ANKRD31: variants seen among roughly 807,000 people sequenced by gnomAD.
ANKRD31 encodes ankyrin repeat domain 31.
ANKRD31 carries 147 observed loss-of-function variants against 186.0 expected under a neutral mutation model. The observed-to-expected ratio is 0.79, with a 90% CI of 0.69 to 0.91. The LOEUF (loss-of-function observed/expected upper bound fraction) is 0.91. ANKRD31 is among the 40% of genes least tolerant of loss of function. ANKRD31 has a pLI of 0.00. For synonymous variants in ANKRD31, 673 were observed against 736.4 expected (o/e 0.91, Z 1.39); for missense variants, 1,986 against 2,148.8 (o/e 0.92, Z 1.50).
intron 17 of ANKRD31, among the ~76,000 whole-genome samples, chr5:75,135,177 T>C (rs370643479): frequency 2.5e-4 from 38 of 151,012 alleles, no homozygotes; most frequent in African/African-American, 6.4e-4. Flanking sequence ...GGCAATCAGG[T>C]AGGAGAAAGA....
intron 17 of ANKRD31, among the ~76,000 whole-genome samples, chr5:75,137,088 A>G (rs1750647282): frequency 6.6e-6 from 1 of 152,164 alleles, no homozygotes; most frequent in Non-Finnish European, 1.5e-5. Flanking sequence ...GGTGCAGCAC[A>G]CCAACATGGC....
At chr5:75,127,636 C>A (rs1346016970) in intron 17 of ANKRD31, among the ~76,000 whole-genome samples, 1 of 152,104 alleles carries the variant, frequency 6.6e-6, no homozygotes, top group Non-Finnish European at 1.5e-5. Flanking sequence ...AGTTCCATAT[C>A]AATTTTAGAA....
At chr5:75,072,577 A>C (rs2149997914) in intron 25 of ANKRD31, among the ~76,000 whole-genome samples, 1 of 152,278 alleles carries the variant, frequency 6.6e-6, no homozygotes, top group African/African-American at 2.4e-5. Context: ...GTGTGTTGAA[A>C]CCACTGCTAT....
rs78867469 is a variant in ANKRD31 at position 75,203,767 on chromosome 5, G to A, written c.403+2644C>T. On this transcript the variant is annotated intron_variant, in intron 5 of 25. Coordinates refer to ENST00000506364, the MANE Select transcript of ANKRD31 (RefSeq NM_001372053.1). ...ATCCATGACACCTCTGTCTCAAATT[G>A]TTCAATACATCCTCATACACACACA... 2.4e-3 allele frequency among the ~76,000 whole-genome samples: 369 copies of A among 151,824 alleles called. 9 individuals are homozygous for A. The East Asian group carries it at 0.062, about 25-fold the overall frequency.
In ANKRD31 at chr5:75,225,840, T is replaced by G. The variant is rs58928671; in HGVS notation, c.179-3482A>C. ...TAGGTGTGAGTTCAGCCACAATGGG[T>G]AGAGCACCAGGCAGCCTTTTGGGAT... On this transcript the variant is annotated intron_variant, in intron 2 of 25. Coordinates refer to ENST00000506364, the MANE Select transcript of ANKRD31 (RefSeq NM_001372053.1). Among the ~76,000 whole-genome samples the G allele has an allele frequency of 4.2e-3, 637 of 152,214 alleles. 7 individuals are homozygous for G. Among genetic ancestry groups the G allele is most frequent in the African/African-American group, 0.015 (615 of 41,534 alleles).
chr5:75,209,492 C>G (rs1293531362), intron 4 of ANKRD31, among the ~76,000 whole-genome samples: 1 of 140,030 alleles, frequency 7.1e-6, no homozygotes, highest in African/African-American at 2.6e-5. Flanking sequence ...GCATGGCCAA[C>G]ATGGCAAAAC....
At chr5:75,118,521 T>C (rs1297418036) in intron 17 of ANKRD31, among the ~76,000 whole-genome samples, 1 of 152,138 alleles carries the variant, frequency 6.6e-6, no homozygotes, top group Non-Finnish European at 1.5e-5. Context: ...GAAAGTACAA[T>C]ATGCTGCCTT....
intron 13 of ANKRD31, among the ~76,000 whole-genome samples, chr5:75,148,126 A>G (rs1256706057): frequency 6.6e-6 from 1 of 151,846 alleles, no homozygotes; most frequent in Non-Finnish European, 1.5e-5. Context: ...AAACAGGAAG[A>G]CAGATATACT....
intron 18 of ANKRD31, 115 bp from the exon 19 acceptor site, chr5:75,116,796 A>C: frequency 2.1e-6 from 1 of 484,862 alleles, no homozygotes; most frequent in Non-Finnish European, 3.3e-6. Flanking sequence ...CTATTATAAT[A>C]TCTTAACCAA....
intron 22 of ANKRD31, among the ~76,000 whole-genome samples, chr5:75,096,799 G>A (rs1746360733): frequency 6.6e-6 from 1 of 151,892 alleles, no homozygotes; most frequent in Admixed American, 6.6e-5. Flanking sequence ...ATCTCCTAAT[G>A]CTATCCCTTC....
At chr5:75,099,378 T>C (rs1746616823) in intron 22 of ANKRD31, among the ~76,000 whole-genome samples, 1 of 152,210 alleles carries the variant, frequency 6.6e-6, no homozygotes, top group Non-Finnish European at 1.5e-5. Flanking sequence ...TCAGGGATAT[T>C]GGTCTAAAAT....
chr5:75,089,657 C>A (rs1745780264), intron 23 of ANKRD31, among the ~76,000 whole-genome samples: 1 of 152,168 alleles, frequency 6.6e-6, no homozygotes, highest in Non-Finnish European at 1.5e-5. Context: ...AGAAGTACAT[C>A]AGTGCCCATA....
At chr5:75,084,470 T>C in intron 23 of ANKRD31, 96 bp from the exon 24 acceptor site, 1 of 950,202 alleles carries the variant, frequency 1.1e-6, no homozygotes, top group Non-Finnish European at 1.6e-6. Flanking sequence ...AAGGTTTTGA[T>C]TGTTGTATGT....
chr5:75,076,161 T>C (rs182800934), intron 25 of ANKRD31, among the ~76,000 whole-genome samples: 36 of 152,352 alleles, frequency 2.4e-4, no homozygotes, highest in Non-Finnish European at 4.4e-4. Flanking sequence ...TCAACTGTCC[T>C]ACAATTCAAT....
At chr5:75,203,378 G>A (rs1755936481) in intron 5 of ANKRD31, among the ~76,000 whole-genome samples, 1 of 152,018 alleles carries the variant, frequency 6.6e-6, no homozygotes, top group Admixed American at 6.6e-5. Context: ...AAACCCAAAG[G>A]GGAGGCCGGG....
intron 25 of ANKRD31, among the ~76,000 whole-genome samples, chr5:75,072,067 A>G (rs1331267549): frequency 6.6e-6 from 1 of 152,230 alleles, no homozygotes; most frequent in Non-Finnish European, 1.5e-5. Flanking sequence ...ACAATGTGCC[A>G]GATTACCCAA....
chr5:75,135,008 G>A (rs1313752976), intron 17 of ANKRD31, among the ~76,000 whole-genome samples: 2 of 152,056 alleles, frequency 1.3e-5, no homozygotes, highest in African/African-American at 2.4e-5. Context: ...GTATTGATGG[G>A]ACGTATCTCA....
chr5:75,176,137 T>C (rs561771934), intron 10 of ANKRD31, among the ~76,000 whole-genome samples: 1 of 152,164 alleles, frequency 6.6e-6, no homozygotes, highest in Admixed American at 6.5e-5. Flanking sequence ...CACTCATTAC[T>C]AGCACAGCAG....
In ANKRD31 at chr5:75,112,457, A is replaced by G. The variant is rs757936645; in HGVS notation, c.4243+56T>C. ...AGCTTTGAAATAAATATGTACCTTAAGAAGATGACCTTGGGTATCTGAAAA... is the reference window on the plus strand; with the variant it reads ...AGCTTTGAAATAAATATGTACCTTAGGAAGATGACCTTGGGTATCTGAAAA... On this transcript the variant is annotated intron_variant, in intron 20 of 25. Coordinates refer to ENST00000506364, the MANE Select transcript of ANKRD31 (RefSeq NM_001372053.1). 64 of 1,201,516 alleles carry G rather than the reference A, an allele frequency of 5.3e-5. No homozygotes were observed. The Admixed American group carries it at 5.7e-4, about 11-fold the overall frequency. The allele number at this position is 1,201,516 out of a possible 1,614,324, so 74.4% of individuals were successfully genotyped here.
Sources: gnomAD v4.1 joint callset for allele counts (sites outside exome capture counted in the v4.1 genomes callset) on GRCh38, gnomAD v4.1.1 for gene constraint, MANE v1.5 for transcripts, NCBI Gene and HGNC (gene_info 2026-07-23, HGNC 2026-07-21) for gene names.